Variants in PRKN observed in about 807,000 individuals in gnomAD.
PRKN encodes the protein parkin RBR E3 ubiquitin protein ligase, also known as E3 ubiquitin-protein ligase parkin.
In PRKN, 56 loss-of-function variants were observed where a neutral mutation model predicts 59.5. The ratio of observed to expected loss-of-function variants is 0.94; its 90% CI spans 0.76 to 1.18. The LOEUF is 1.18. Among genes scored for constraint, PRKN ranks in the 50% most tolerant of loss-of-function variants. The pLI is 0.00. For synonymous variants in PRKN, 250 were observed against 222.1 expected, an observed-to-expected ratio of 1.13 and a Z score of -1.12; for missense variants, 657 against 596.4, an observed-to-expected ratio of 1.10 and a Z score of -1.06.
intron 3 of PRKN, among the ~76,000 whole-genome samples, chr6:162,256,881 C>T (rs1050945669): frequency 2.0e-5 from 3 of 152,212 alleles, no homozygotes; most frequent in South Asian, 2.1e-4. Context: ...AGGCTCCCTA[C>T]AAGTACTTTA....
rs1780425689 is a variant in PRKN at position 161,560,663 on chromosome 6, T to C, written c.933+8692A>G. On this transcript the variant is annotated intron_variant, in intron 8 of 11. Coordinates refer to ENST00000366898, the MANE Select transcript of PRKN (RefSeq NM_004562.3). The surrounding 1 kb of genome is among the most constrained non-coding windows in gnomAD (Gnocchi z 4.9). ...CACGGTCCATCCCCAGGCTCTGTCA[T>C]CCTGAGAAACTGTACCACCTCTGAA... 1.3e-5 allele frequency among the ~76,000 whole-genome samples: 2 copies of C among 152,218 alleles called. No homozygotes were observed. The highest frequency in any genetic ancestry group is 2.9e-5 in the Non-Finnish European group (2 of 68,034).
intron 1 of PRKN, among the ~76,000 whole-genome samples, chr6:162,561,615 G>T (rs1275697888): frequency 6.6e-6 from 1 of 152,270 alleles, no homozygotes; most frequent in Middle Eastern, 3.4e-3. Flanking sequence ...CTGACACCAC[G>T]CCTCCCTTAC....
chr6:162,328,661 A>G (rs556345178), intron 2 of PRKN, among the ~76,000 whole-genome samples: 1 of 152,288 alleles, frequency 6.6e-6, no homozygotes, highest in Non-Finnish European at 1.5e-5. Context: ...CTCTGATATT[A>G]AAGCCCTCAG....
At chr6:162,597,821 G>A (rs1373825907) in intron 1 of PRKN, among the ~76,000 whole-genome samples, 1 of 152,090 alleles carries the variant, frequency 6.6e-6, no homozygotes, top group East Asian at 1.9e-4. Context: ...AGGTTACAAA[G>A]GAACTGTCAT....
chr6:161,920,868 T>C (rs2155490), intron 6 of PRKN, among the ~76,000 whole-genome samples: 1 of 151,796 alleles, frequency 6.6e-6, no homozygotes. Flanking sequence ...GCTCTCCTGA[T>C]TCAGTGAGTG....
At chr6:162,335,400 A>G (rs1783796939) in intron 2 of PRKN, among the ~76,000 whole-genome samples, 1 of 152,142 alleles carries the variant, frequency 6.6e-6, no homozygotes, top group African/African-American at 2.4e-5. Context: ...ATTACAGTGT[A>G]AACATAACTT....
intron 5 of PRKN, among the ~76,000 whole-genome samples, chr6:161,980,831 T>C (rs1468462839): frequency 6.6e-6 from 1 of 152,112 alleles, no homozygotes; most frequent in Admixed American, 6.6e-5. Flanking sequence ...CACCACGAGG[T>C]GGACCCTGTG....
intron 4 of PRKN, among the ~76,000 whole-genome samples, chr6:162,102,622 A>G (rs1002796612): frequency 6.6e-6 from 1 of 151,860 alleles, no homozygotes; most frequent in Non-Finnish European, 1.5e-5. Context: ...TATTTTATCT[A>G]AAAGATCCAT....
intron 6 of PRKN, among the ~76,000 whole-genome samples, chr6:161,827,475 G>T (rs1225572896): frequency 6.6e-6 from 1 of 151,682 alleles, no homozygotes; most frequent in South Asian, 2.1e-4. Context: ...CTAGAAATTA[G>T]GGCTCTACCT....
Position 161,729,877 on chromosome 6 carries a change from GAT to G in PRKN, c.871+55893_871+55894del, listed in dbSNP as rs1583065164. Among the ~76,000 whole-genome samples, 4 of 150,760 alleles carry G rather than the reference GAT, an allele frequency of 2.7e-5. No homozygotes were observed. In the East Asian group the frequency reaches 7.7e-4, roughly 29 times the overall value. On this transcript the variant is annotated intron_variant, in intron 7 of 11. Transcript: ENST00000366898. ...CATTCTGACATGTTGCATTCTTTCT[GAT>G]GTGTTGCATATTCTGGCATGTTGCA...
intron 1 of PRKN, among the ~76,000 whole-genome samples, chr6:162,474,486 A>T (rs2128179611): frequency 6.6e-6 from 1 of 152,302 alleles, no homozygotes; most frequent in African/African-American, 2.4e-5. Flanking sequence ...ATTCAAGCCT[A>T]CAGTATAAAT....
intron 7 of PRKN, among the ~76,000 whole-genome samples, chr6:161,749,960 A>G (rs1466509262): frequency 6.6e-6 from 1 of 152,076 alleles, no homozygotes; most frequent in East Asian, 1.9e-4. Context: ...TAAAATGCTG[A>G]TTTTATAGTC....
rs979036099 is a variant in PRKN at position 161,588,567 on chromosome 6, C to T, written c.872-19151G>A. 6.6e-6 allele frequency among the ~76,000 whole-genome samples: 1 copy of T among 151,304 alleles called. No individual in the cohort carries two copies. The highest frequency in any genetic ancestry group is 2.4e-5 in the African/African-American group (1 of 41,144). On this transcript the variant is annotated intron_variant, in intron 7 of 11. Coordinates refer to ENST00000366898, the MANE Select transcript of PRKN (RefSeq NM_004562.3). The surrounding 1 kb of genome is among the most constrained non-coding windows in gnomAD (Gnocchi z 5.0). ...AAGACTGGAAAAGGGAAAGTGATGGCAATAAAAGTAAGGGCAAACTGGGAG... is the reference window on the plus strand; with the variant it reads ...AAGACTGGAAAAGGGAAAGTGATGGTAATAAAAGTAAGGGCAAACTGGGAG...
At position 162,339,061 on chromosome 6, in the gene PRKN, G is replaced by A. The variant is rs1479434976; in HGVS notation, c.172-76296C>T. ...TGAGGAGCCCCTCCGCCCGGCAGCC[G>A]CCCCGTCTGAGAAGTGAGGAGCCCC... On this transcript the variant is annotated intron_variant, in intron 2 of 11. Coordinates refer to ENST00000366898, the MANE Select transcript of PRKN (RefSeq NM_004562.3). Among the ~76,000 whole-genome samples the A allele has an allele frequency of 9.9e-5, 14 of 140,890 alleles. No homozygotes were observed. In the East Asian group the frequency reaches 2.0e-3, roughly 20 times the overall value. The allele number at this position is 140,890 out of a possible 152,430, so 92.4% of individuals were successfully genotyped here. A position where few individuals can be genotyped will look rare whatever the true frequency, so the allele number is the denominator to read the frequency against.
chr6:161,477,549 A>T (rs1370158264), intron 9 of PRKN, among the ~76,000 whole-genome samples: 1 of 151,666 alleles, frequency 6.6e-6, no homozygotes, highest in East Asian at 1.9e-4. Context: ...TTTCCTTAGG[A>T]TAAGGTTAAT....
Position 161,400,537 on chromosome 6 carries a change from C to T in PRKN, c.1084-13660G>A, listed in dbSNP as rs141847868. On this transcript the variant is annotated intron_variant, in intron 9 of 11. Transcript: ENST00000366898. This position sits in a 1 kb window ranked among gnomAD's most constrained non-coding sequence, Gnocchi z 4.2. ...CCATATTGGCCAGGCTGGTCTCAAA[C>T]CCCTGACCTCAGGTAATCCGTTCCC... 1.4e-3 allele frequency among the ~76,000 whole-genome samples: 207 copies of T among 152,170 alleles called. No individual in the cohort carries two copies. The highest frequency in any genetic ancestry group is 4.8e-3 in the African/African-American group (200 of 41,506).
rs1047784649 is a variant in PRKN at position 161,527,696 on chromosome 6, G to T, written c.1083+21158C>A. On this transcript the variant is annotated intron_variant, in intron 9 of 11. Coordinates refer to ENST00000366898, the MANE Select transcript of PRKN (RefSeq NM_004562.3). The surrounding 1 kb of genome is among the most constrained non-coding windows in gnomAD (Gnocchi z 4.6). ...TAGAATGAGAGTTTCCTCTTTCCGT[G>T]ATGCTCTAATATTCCTAGTCAGGCC... Among the ~76,000 whole-genome samples the T allele has an allele frequency of 1.2e-4, 19 of 152,202 alleles. 2 individuals carry two copies. Among genetic ancestry groups the T allele is most frequent in the African/African-American group, 4.8e-5 (2 of 41,456 alleles).
At position 161,423,659 on chromosome 6, in the gene PRKN, C is replaced by T. The variant is rs374148927; in HGVS notation, c.1084-36782G>A. ...AGCTGCCTCTTTCTGGAAGCTTCCT[C>T]TGCACACTCTAGCTACAGCAGGGCC... On this transcript the variant is annotated intron_variant, in intron 9 of 11. Transcript: ENST00000366898. The surrounding 1 kb of genome is among the most constrained non-coding windows in gnomAD (Gnocchi z 5.9). Among the ~76,000 whole-genome samples, 3 of 152,328 alleles carry T rather than the reference C, an allele frequency of 2.0e-5. No homozygotes were observed. Among genetic ancestry groups the T allele is most frequent in the Middle Eastern group, 3.4e-3 (1 of 294 alleles).
chr6:161,371,401 G>C lies in PRKN; in HGVS notation c.1168-11196C>G, dbSNP rs1383392804. Among the ~76,000 whole-genome samples the C allele has an allele frequency of 6.6e-6, 1 of 152,040 alleles. No individual in the cohort carries two copies. The highest frequency in any genetic ancestry group is 1.5e-5 in the Non-Finnish European group (1 of 68,016). ...GCTAGTTTTGAACTCCTGACCTCAG[G>C]TGATCTGCCCGCCTCCGTCTCCCAA... is the stretch of plus-strand genomic sequence containing the variant. On this transcript the variant is annotated intron_variant, in intron 10 of 11. Coordinates refer to ENST00000366898, the MANE Select transcript of PRKN (RefSeq NM_004562.3). This position sits in a 1 kb window ranked among gnomAD's most constrained non-coding sequence, Gnocchi z 5.5.
Sources: gnomAD v4.1 joint callset for allele counts (sites outside exome capture counted in the v4.1 genomes callset) on GRCh38, gnomAD v4.1.1 for gene constraint, Gnocchi (gnomAD v3.1) non-coding constraint, MANE v1.5 for transcripts, NCBI Gene and HGNC (gene_info 2026-07-23, HGNC 2026-07-21) for gene names.